ELAPOR2: variants seen among roughly 807,000 people sequenced by gnomAD.
The protein encoded by ELAPOR2 is endosome/lysosome-associated apoptosis and autophagy regulator family member 2.
ELAPOR2 carries 89 observed loss-of-function variants against 120.7 expected under a neutral mutation model. The observed-to-expected ratio is 0.74, with a 90% CI of 0.62 to 0.88. ELAPOR2 has a LOEUF of 0.88. Ranked by LOEUF, ELAPOR2 falls within the 40% of genes least tolerant of loss-of-function variation. The pLI, the probability that ELAPOR2 is intolerant of heterozygous loss-of-function variation, is 0.00. For synonymous variants in ELAPOR2, 444 were observed against 444.9 expected (o/e 1.00, Z 0.03); for missense variants, 1,134 against 1,251.6 (o/e 0.91, Z 1.42).
intron 1 of ELAPOR2, among the ~76,000 whole-genome samples, chr7:86,976,695 C>A (rs1372314286): frequency 6.6e-6 from 1 of 152,182 alleles, no homozygotes; most frequent in Non-Finnish European, 1.5e-5. Context: ...CTGAAACAAA[C>A]CAACCGTCTA....
intron 3 of ELAPOR2, among the ~76,000 whole-genome samples, chr7:86,947,368 G>A (rs928837440): frequency 5.3e-5 from 8 of 152,026 alleles, no homozygotes; most frequent in Non-Finnish European, 1.2e-4. Context: ...CTAAATGAAG[G>A]TTATGAATTC....
At chr7:86,926,630 G>T (rs1181455191) in intron 9 of ELAPOR2, 106 bp downstream of exon 9, 2 of 1,168,906 alleles carry the variant, frequency 1.7e-6, no homozygotes, top group Middle Eastern at 2.2e-4. Context: ...AAAACTAAAA[G>T]AAATTCTGTA....
chr7:86,926,689 A>G, intron 9 of ELAPOR2, 47 bp downstream of exon 9: 1 of 1,515,244 alleles, frequency 6.6e-7, no homozygotes, highest in Non-Finnish European at 8.9e-7. Context: ...TAGTCCAACA[A>G]GATCATTTTG....
chr7:86,947,002 G>A lies in ELAPOR2; in HGVS notation c.506+725C>T, dbSNP rs140780890. On this transcript the variant is annotated intron_variant, in intron 3 of 21. Transcript: ENST00000450689. ...GGAAGGAAGAAAGGAAGGGAGGGAG[G>A]GAATGAATATGCCTTTCAACACAGC... Among the ~76,000 whole-genome samples, 28 of 152,238 alleles carry A rather than the reference G, an allele frequency of 1.8e-4. No individual in the cohort carries two copies. The East Asian group carries it at 5.2e-3, about 28-fold the overall frequency.
chr7:87,047,051 C>G (rs143696627), intron 1 of ELAPOR2, among the ~76,000 whole-genome samples: 4 of 152,162 alleles, frequency 2.6e-5, no homozygotes, highest in African/African-American at 9.7e-5. Context: ...AGAGTGAACT[C>G]ATTTTTGACA....
chr7:87,050,754 T>C (rs1562987182), intron 1 of ELAPOR2, among the ~76,000 whole-genome samples: 1 of 152,158 alleles, frequency 6.6e-6, no homozygotes, highest in African/African-American at 2.4e-5. Flanking sequence ...GTTACAGTGA[T>C]AGTCCAGGCA....
intron 1 of ELAPOR2, among the ~76,000 whole-genome samples, chr7:86,983,915 C>A (rs182646419): frequency 5.3e-5 from 8 of 152,290 alleles, no homozygotes; most frequent in African/African-American, 1.9e-4. Flanking sequence ...AGTCAAGACC[C>A]ATCAGTGTGC....
intron 8 of ELAPOR2, among the ~76,000 whole-genome samples, chr7:86,927,515 C>A (rs1284095212): frequency 6.6e-6 from 1 of 151,902 alleles, no homozygotes; most frequent in African/African-American, 2.4e-5. Flanking sequence ...GATCCATGGG[C>A]TCTGAACATC....
chr7:86,917,545 G>A (rs1029875709), intron 12 of ELAPOR2, among the ~76,000 whole-genome samples: 1 of 152,180 alleles, frequency 6.6e-6, no homozygotes, highest in African/African-American at 2.4e-5. Context: ...ATGGCACTGA[G>A]TATGAGAAGA....
At chr7:87,005,735 C>G (rs1038431902) in intron 1 of ELAPOR2, among the ~76,000 whole-genome samples, 1 of 152,140 alleles carries the variant, frequency 6.6e-6, no homozygotes, top group African/African-American at 2.4e-5. Flanking sequence ...AAATAAACTT[C>G]AATTCCTACT....
rs1287954312 is a variant in ELAPOR2 at position 87,027,491 on chromosome 7, T to A, written c.189+31834A>T. ...TGGGTTGAATTGTGTCCCCAAAAAATTCACATGCTGAAGTCCTAACTCCTA... is the reference window on the plus strand; with the variant it reads ...TGGGTTGAATTGTGTCCCCAAAAAAATCACATGCTGAAGTCCTAACTCCTA... On this transcript the variant is annotated intron_variant, in intron 1 of 21. Transcript: ENST00000450689. 3.9e-5 allele frequency among the ~76,000 whole-genome samples: 6 copies of A among 152,156 alleles called. No individual in the cohort carries two copies. In the East Asian group the frequency reaches 1.2e-3, roughly 29 times the overall value.
At chr7:86,936,242 C>T (rs557136047) in intron 8 of ELAPOR2, among the ~76,000 whole-genome samples, 2 of 152,112 alleles carry the variant, frequency 1.3e-5, no homozygotes, top group East Asian at 3.9e-4. Context: ...GGTCTTGTTA[C>T]ACTGCCCAGG....
chr7:86,955,986 G>GA (rs1338398611), intron 2 of ELAPOR2, among the ~76,000 whole-genome samples: 1 of 150,208 alleles, frequency 6.7e-6, no homozygotes, highest in Non-Finnish European at 1.5e-5. Flanking sequence ...AAAAGAAAAA[G>GA]AAAAAAAGAA....
rs529177943 is a variant in ELAPOR2 at position 86,934,138 on chromosome 7, A to G, written c.1089+3988T>C. Among the ~76,000 whole-genome samples the G allele has an allele frequency of 1.5e-4, 23 of 152,082 alleles. No homozygotes were observed. In the South Asian group the frequency reaches 4.6e-3, roughly 30 times the overall value. On this transcript the variant is annotated intron_variant, in intron 8 of 21. Transcript: ENST00000450689. The stretch of plus-strand genomic sequence containing the variant: ...TCTGTTTTGCATATACTAAGCTTTA[A>G]TTCAAGTAAGCCACATTTAGGAAAC...
chr7:87,036,925 A>G (rs1290792973), intron 1 of ELAPOR2, among the ~76,000 whole-genome samples: 19 of 152,168 alleles, frequency 1.2e-4, no homozygotes, highest in Admixed American at 1.2e-3. Flanking sequence ...ACCCCAATCT[A>G]AAAGTTGAAA....
At chr7:86,956,013 GA>G (rs934983845) in intron 2 of ELAPOR2, among the ~76,000 whole-genome samples, 5 of 150,208 alleles carry the variant, frequency 3.3e-5, no homozygotes, top group Non-Finnish European at 5.9e-5. Flanking sequence ...AATAAAAGGG[GA>G]AAAAAAAAGA....
chr7:87,028,175 T>C (rs1794305897), intron 1 of ELAPOR2, among the ~76,000 whole-genome samples: 1 of 152,162 alleles, frequency 6.6e-6, no homozygotes. Context: ...AAGTGTCTGT[T>C]CTCACTGTGT....
chr7:87,021,795 C>T (rs1794048808), intron 1 of ELAPOR2, among the ~76,000 whole-genome samples: 1 of 152,160 alleles, frequency 6.6e-6, no homozygotes, highest in African/African-American at 2.4e-5. Context: ...ACCTGAAGAA[C>T]ATTTAAATTT....
intron 8 of ELAPOR2, among the ~76,000 whole-genome samples, chr7:86,935,338 T>C (rs1205331132): frequency 6.6e-6 from 1 of 152,050 alleles, no homozygotes; most frequent in Non-Finnish European, 1.5e-5. Flanking sequence ...CTCCTTCCCA[T>C]GTCAGGTCTT....
Sources: allele counts gnomAD v4.1 joint callset (sites outside exome capture counted in the v4.1 genomes callset), GRCh38; gene constraint gnomAD v4.1.1; transcripts MANE v1.5; gene names NCBI Gene and HGNC (gene_info 2026-07-23, HGNC 2026-07-21).